Variants in STK32B observed in about 807,000 individuals in gnomAD.
The protein encoded by STK32B is serine/threonine-protein kinase 32B.
STK32B carries 43 observed loss-of-function variants against 52.6 expected under a neutral mutation model. That is an observed-to-expected ratio of 0.82 (90% CI 0.64 to 1.05). The LOEUF (loss-of-function observed/expected upper bound fraction) is 1.05, where lower values mean the gene tolerates loss of function less well. Among genes scored for constraint, STK32B ranks in the 50% least tolerant of loss-of-function variants. The probability of loss-of-function intolerance (pLI) is 0.00; values close to 1 mark genes in which losing one functional copy is unlikely to be tolerated. For synonymous variants in STK32B, 238 were observed against 204.3 expected, an observed-to-expected ratio of 1.17 and a Z score of -1.41; for missense variants, 621 against 534.6, an observed-to-expected ratio of 1.16 and a Z score of -1.59.
rs768234799 is a variant in STK32B at position 5,398,523 on chromosome 4, G to A, written c.472+279G>A. On this transcript the variant is annotated intron_variant, in intron 5 of 11. Transcript: ENST00000282908. This position sits in a 1 kb window ranked among gnomAD's most constrained non-coding sequence, Gnocchi z 4.9. ...ACAGGGCCGCCGTGAGGATGAGCCC[G>A]GGGTTCCAACCCCAACTCCCTCACC... 6.6e-5 allele frequency among the ~76,000 whole-genome samples: 10 copies of A among 152,232 alleles called. No individual in the cohort carries two copies. Among genetic ancestry groups the A allele is most frequent in the Non-Finnish European group, 1.0e-4 (7 of 68,026 alleles).
chr4:5,391,492 T>C (rs1419528561), intron 4 of STK32B, among the ~76,000 whole-genome samples: 1 of 152,208 alleles, frequency 6.6e-6, no homozygotes, highest in Non-Finnish European at 1.5e-5. Flanking sequence ...TTTGCAACCC[T>C]TGACAATATC....
chr4:5,255,012 A>G (rs1006380137), intron 3 of STK32B, among the ~76,000 whole-genome samples: 7 of 150,732 alleles, frequency 4.6e-5, no homozygotes, highest in Admixed American at 1.3e-4. Flanking sequence ...GAGGCCTTTA[A>G]CTAGATATTG....
At chr4:5,245,165 G>T (rs1725348972) in intron 3 of STK32B, among the ~76,000 whole-genome samples, 1 of 152,154 alleles carries the variant, frequency 6.6e-6, no homozygotes, top group Non-Finnish European at 1.5e-5. Context: ...TCTGTCTAAT[G>T]TTGACAGTGG....
intron 3 of STK32B, among the ~76,000 whole-genome samples, chr4:5,170,815 G>A (rs1187253720): frequency 2.0e-5 from 3 of 152,120 alleles, no homozygotes; most frequent in Admixed American, 6.5e-5. Context: ...AATCCTTTGG[G>A]TATATACCCA....
chr4:5,310,628 A>G (rs1189493856), intron 3 of STK32B, among the ~76,000 whole-genome samples: 1 of 152,148 alleles, frequency 6.6e-6, no homozygotes, highest in Admixed American at 6.5e-5. Context: ...AACAGTATGG[A>G]GGGTCCTAAA....
In STK32B at chr4:5,094,646, C is replaced by A. The variant is rs75139028; in HGVS notation, c.52+42731C>A. On this transcript the variant is annotated intron_variant, in intron 1 of 11. Coordinates refer to ENST00000282908, the MANE Select transcript of STK32B (RefSeq NM_018401.3). ...CTCCAGCCTAGGTGACAGAGAGAGA[C>A]CCTGTTGCTATAAAAGAATACAGTA... Among the ~76,000 whole-genome samples the A allele has an allele frequency of 5.6e-3, 849 of 152,178 alleles. 9 individuals carry two copies. Among genetic ancestry groups the A allele is most frequent in the African/African-American group, 0.019 (789 of 41,514 alleles).
chr4:5,301,305 C>G (rs1355115391), intron 3 of STK32B, among the ~76,000 whole-genome samples: 3 of 152,026 alleles, frequency 2.0e-5, no homozygotes, highest in Admixed American at 1.3e-4. Context: ...AAGTGTTTCC[C>G]TCTATTCTAT....
At chr4:5,142,071 G>A (rs531976568) in intron 2 of STK32B, among the ~76,000 whole-genome samples, 74 of 152,308 alleles carry the variant, frequency 4.9e-4, no homozygotes, top group South Asian at 1.2e-3. Context: ...GAGCTCTTCC[G>A]GTAGAGAAGG....
At chr4:5,152,130 G>A (rs1560180106) in intron 2 of STK32B, among the ~76,000 whole-genome samples, 1 of 152,048 alleles carries the variant, frequency 6.6e-6, no homozygotes, top group Admixed American at 6.5e-5. Context: ...GCATTTTTTT[G>A]GTCATTTTCG....
intron 3 of STK32B, among the ~76,000 whole-genome samples, chr4:5,316,667 TTA>T (rs1353118253): frequency 4.7e-4 from 5 of 10,534 alleles, no homozygotes; most frequent in Non-Finnish European, 6.0e-4. Context: ...ATAATATATA[TTA>T]TATATATAAT....
At chr4:5,445,160 G>A (rs1273300922) in intron 6 of STK32B, among the ~76,000 whole-genome samples, 1 of 152,148 alleles carries the variant, frequency 6.6e-6, no homozygotes, top group East Asian at 1.9e-4. Flanking sequence ...AGGAGAGCCC[G>A]TGGGTGAAAG....
intron 1 of STK32B, among the ~76,000 whole-genome samples, chr4:5,121,194 T>A (rs182942984): frequency 1.3e-4 from 20 of 152,364 alleles, no homozygotes; most frequent in Non-Finnish European, 2.2e-4. Context: ...TTTCCATTCT[T>A]GAATTACTTC....
rs191022207 is a variant in STK32B, at chr4:5,358,410, A to C, written c.434+27017A>C. On this transcript the variant is annotated intron_variant, in intron 4 of 11. Coordinates refer to ENST00000282908, the MANE Select transcript of STK32B (RefSeq NM_018401.3). ...GGGTCAGCATTTTGGAAATGTCAGCACAAAGTGAGAACAGTAAGATGGTTA... is the reference window on the plus strand; with the variant it reads ...GGGTCAGCATTTTGGAAATGTCAGCCCAAAGTGAGAACAGTAAGATGGTTA... Among the ~76,000 whole-genome samples the C allele has an allele frequency of 1.2e-4, 18 of 152,356 alleles. 1 individual carries two copies. Among genetic ancestry groups the C allele is most frequent in the Admixed American group, 1.0e-3 (16 of 15,310 alleles).
intron 7 of STK32B, among the ~76,000 whole-genome samples, chr4:5,451,897 A>G (rs1384490159): frequency 6.6e-6 from 1 of 152,140 alleles, no homozygotes; most frequent in African/African-American, 2.4e-5. Context: ...TTGCACCCCC[A>G]TGGAGTGGGA....
chr4:5,438,834 T>G (rs892271226), intron 6 of STK32B, among the ~76,000 whole-genome samples: 1 of 152,112 alleles, frequency 6.6e-6, no homozygotes, highest in Non-Finnish European at 1.5e-5. Flanking sequence ...TTCCCACCTA[T>G]GAGTGACAAT....
chr4:5,496,302 C>G (rs1720241563), intron 11 of STK32B, among the ~76,000 whole-genome samples: 1 of 152,224 alleles, frequency 6.6e-6, no homozygotes, highest in African/African-American at 2.4e-5. Flanking sequence ...CTCCACCAGC[C>G]TCGCTGCCGC....
upstream of STK32B, among the ~76,000 whole-genome samples, chr4:5,050,581 T>A (rs1465923063): frequency 2.6e-5 from 4 of 152,166 alleles, no homozygotes; most frequent in Admixed American, 6.5e-5. Flanking sequence ...CCCTGCTTTC[T>A]ATCAAAGCAC....
At chr4:5,335,865 C>A (rs145177660) in intron 4 of STK32B, among the ~76,000 whole-genome samples, 4 of 151,682 alleles carry the variant, frequency 2.6e-5, no homozygotes, top group Non-Finnish European at 2.9e-5. Context: ...AATTTCTATT[C>A]TTTTACATTT....
rs1039641759 is a variant in STK32B, at chr4:5,315,530, A to G, written c.261-15690A>G. ...GTATGTTTATCTGTTTTACAATTTT[A>G]TATGATTTATGGATGCATATATTGT... On this transcript the variant is annotated intron_variant, in intron 3 of 11. Coordinates refer to ENST00000282908, the MANE Select transcript of STK32B (RefSeq NM_018401.3). Among the ~76,000 whole-genome samples, 4 of 152,142 alleles carry G rather than the reference A, an allele frequency of 2.6e-5. No homozygotes were observed. The South Asian group carries it at 6.2e-4, about 24-fold the overall frequency.
Sources: gnomAD v4.1 joint callset for allele counts (sites outside exome capture counted in the v4.1 genomes callset) on GRCh38, gnomAD v4.1.1 for gene constraint, Gnocchi (gnomAD v3.1) non-coding constraint, MANE v1.5 for transcripts, NCBI Gene and HGNC (gene_info 2026-07-23, HGNC 2026-07-21) for gene names.